Variants in SCD5 observed in about 807,000 individuals in gnomAD.
SCD5 encodes stearoyl-CoA desaturase 5.
Under a neutral mutation model 30.4 loss-of-function variants are expected in SCD5, and 20 were observed. The observed-to-expected ratio is 0.66, with a 90% CI of 0.46 to 0.96. The LOEUF (loss-of-function observed/expected upper bound fraction) is 0.96, where lower values mean the gene tolerates loss of function less well. SCD5 is among the 40% of genes least tolerant of loss of function. SCD5 has a pLI of 0.00. For missense variants in SCD5, 381 were observed against 443.3 expected, an observed-to-expected ratio of 0.86 and a Z score of 1.26; for synonymous variants, 173 against 176.4, an observed-to-expected ratio of 0.98 and a Z score of 0.16.
intron 3 of SCD5, among the ~76,000 whole-genome samples, chr4:82,638,268 C>T (rs1227103918): frequency 2.6e-5 from 4 of 152,064 alleles, no homozygotes; most frequent in African/African-American, 7.2e-5. Context: ...TTAGATGCCC[C>T]GCCCCCTGCC....
rs376645844 is a variant in SCD5 at position 82,665,970 on chromosome 4, T to G, written c.569+14737A>C. On this transcript the variant is annotated intron_variant, in intron 3 of 4. Coordinates refer to ENST00000319540, the MANE Select transcript of SCD5 (RefSeq NM_001037582.3). ...TTTTAATCTTGATGCTGATTTGCATTTAAAAATTTTTCTACAATGAACCTA... is the reference window on the plus strand; with the variant it reads ...TTTTAATCTTGATGCTGATTTGCATGTAAAAATTTTTCTACAATGAACCTA... Among the ~76,000 whole-genome samples, 97 of 152,300 alleles carry G rather than the reference T, an allele frequency of 6.4e-4. 1 individual carries two copies. In the South Asian group the frequency reaches 0.019, roughly 30 times the overall value.
At chr4:82,758,984 C>T (rs1175309836) in intron 1 of SCD5, among the ~76,000 whole-genome samples, 1 of 152,258 alleles carries the variant, frequency 6.6e-6, no homozygotes, top group Non-Finnish European at 1.5e-5. Context: ...CTCAAGCCTC[C>T]GCCCCAGCGC....
At chr4:82,755,373 G>A (rs766896186) in intron 1 of SCD5, among the ~76,000 whole-genome samples, 15 of 152,076 alleles carry the variant, frequency 9.9e-5, no homozygotes, top group East Asian at 3.9e-4. Flanking sequence ...GGTGGCACAC[G>A]CCTGTAATTC....
At chr4:82,738,075 G>C (rs1413489235) in intron 1 of SCD5, among the ~76,000 whole-genome samples, 1 of 152,034 alleles carries the variant, frequency 6.6e-6, no homozygotes, top group Non-Finnish European at 1.5e-5. Flanking sequence ...TATTCTGTAA[G>C]CATCACACAA....
At chr4:82,722,310 A>AT in intron 1 of SCD5, among the ~76,000 whole-genome samples, 1 of 121,270 alleles carries the variant, frequency 8.2e-6, no homozygotes, top group African/African-American at 3.6e-5. Context: ...TGATCAAAAA[A>AT]TTTTAAGTTT....
chr4:82,677,112 T>G (rs1304089466), intron 3 of SCD5, among the ~76,000 whole-genome samples: 1 of 152,190 alleles, frequency 6.6e-6, no homozygotes, highest in Non-Finnish European at 1.5e-5. Flanking sequence ...GTGTCCTGAG[T>G]GGACTGAAGG....
intron 2 of SCD5, among the ~76,000 whole-genome samples, chr4:82,687,300 A>G (rs1311135671): frequency 6.6e-6 from 1 of 152,220 alleles, no homozygotes; most frequent in Admixed American, 6.5e-5. Flanking sequence ...CAAAAGAAGT[A>G]TCTTAGCCAA....
In SCD5 at chr4:82,712,315, T is replaced by TTA. The variant is rs1413881257; in HGVS notation, c.233-6903_233-6902insTA. ...ATATATATTTTATTTTTATTTTATTTTTTTTTTTTGAGATGAAGTCTCGCT... is the reference window on the plus strand; with the variant it reads ...ATATATATTTTATTTTTATTTTATTTTATTTTTTTTTGAGATGAAGTCTCGCT... On this transcript the variant is annotated intron_variant, in intron 1 of 4. Transcript: ENST00000319540. Among the ~76,000 whole-genome samples, 5 of 50,962 alleles carry TTA rather than the reference T, an allele frequency of 9.8e-5. 2 individuals are homozygous for TTA. The highest frequency in any genetic ancestry group is 2.0e-4 in the Non-Finnish European group (4 of 20,262). The allele number at this position is 50,962 out of a possible 152,430, so 33.4% of individuals were successfully genotyped here. A position where few individuals can be genotyped will look rare whatever the true frequency, so the allele number is the denominator to read the frequency against.
intron 1 of SCD5, among the ~76,000 whole-genome samples, chr4:82,746,715 G>A (rs564420103): frequency 1.3e-4 from 20 of 152,172 alleles, no homozygotes; most frequent in African/African-American, 4.8e-4. Context: ...AATGGAAAGA[G>A]TCAATATCCA....
intron 1 of SCD5, among the ~76,000 whole-genome samples, chr4:82,756,464 G>A (rs1721236064): frequency 1.3e-5 from 2 of 152,152 alleles, no homozygotes; most frequent in African/African-American, 4.8e-5. Context: ...GGTGGCTCAC[G>A]CCTGTAATCC....
intron 3 of SCD5, among the ~76,000 whole-genome samples, chr4:82,643,185 C>T (rs553534873): frequency 6.6e-6 from 1 of 152,314 alleles, no homozygotes; most frequent in Middle Eastern, 3.4e-3. Flanking sequence ...GGCACAGCCA[C>T]TGCAGGAAAT....
At chr4:82,732,846 T>A (rs554342795) in intron 1 of SCD5, among the ~76,000 whole-genome samples, 18 of 152,206 alleles carry the variant, frequency 1.2e-4, no homozygotes, top group Middle Eastern at 6.8e-3. Flanking sequence ...AGGAAGAACT[T>A]CCAGATCCTC....
intron 1 of SCD5, among the ~76,000 whole-genome samples, chr4:82,765,622 C>CTT (rs547525458): frequency 6.9e-6 from 1 of 144,384 alleles, no homozygotes; most frequent in Non-Finnish European, 1.5e-5. Context: ...GTTATTTTTC[C>CTT]TTTTTTTTTT....
At chr4:82,765,341 A>T (rs1721463782) in intron 1 of SCD5, among the ~76,000 whole-genome samples, 1 of 152,202 alleles carries the variant, frequency 6.6e-6, no homozygotes, top group Non-Finnish European at 1.5e-5. Flanking sequence ...CATTGTTTCC[A>T]ACAAGAAGTC....
chr4:82,780,585 A>C (rs1721845632), intron 1 of SCD5, among the ~76,000 whole-genome samples: 1 of 152,210 alleles, frequency 6.6e-6, no homozygotes, highest in South Asian at 2.1e-4. Flanking sequence ...GACTAAAAAC[A>C]CCAATTTGCA....
chr4:82,743,515 A>C (rs901709396), intron 1 of SCD5, among the ~76,000 whole-genome samples: 2 of 152,148 alleles, frequency 1.3e-5, no homozygotes, highest in Non-Finnish European at 1.5e-5. Flanking sequence ...GGGCAACAGG[A>C]AAAAAGTTAT....
intron 2 of SCD5, among the ~76,000 whole-genome samples, chr4:82,685,875 T>C (rs925418115): frequency 6.6e-6 from 1 of 152,190 alleles, no homozygotes; most frequent in Non-Finnish European, 1.5e-5. Context: ...CATTATTTTT[T>C]TTCCGTACCA....
chr4:82,670,684 ATATCAAT>A (rs1339119029), intron 3 of SCD5, among the ~76,000 whole-genome samples: 2 of 152,010 alleles, frequency 1.3e-5, no homozygotes, highest in African/African-American at 4.8e-5. Context: ...TATCAATTCC[ATATCAAT>A]TGATATGGCA....
In SCD5 at chr4:82,630,593, A is replaced by G. The variant is rs1052098805; in HGVS notation, c.*734T>C. ...GCACATGACAACGTATATTTGACGT[A>G]TTTTAGCTATAGCGATTAAATCACA... On this transcript the variant is annotated 3_prime_UTR_variant, in exon 5 of 5. Coordinates refer to ENST00000319540, the MANE Select transcript of SCD5 (RefSeq NM_001037582.3). The G allele has an allele frequency of 6.6e-6, 1 of 152,240 alleles. No homozygotes were observed. Among genetic ancestry groups the G allele is most frequent in the African/African-American group, 2.4e-5 (1 of 41,462 alleles). 9.4% of individuals were successfully genotyped at this position (152,240 alleles called of 1,614,324 possible). A position where few individuals can be genotyped will look rare whatever the true frequency, so the allele number is the denominator to read the frequency against.
Sources: gnomAD v4.1 joint callset for allele counts (sites outside exome capture counted in the v4.1 genomes callset) on GRCh38, gnomAD v4.1.1 for gene constraint, MANE v1.5 for transcripts, NCBI Gene and HGNC (gene_info 2026-07-23, HGNC 2026-07-21) for gene names.